The following IL1RAPL2 variants were observed in gnomAD, a reference collection of about 807,000 sequenced individuals.
IL1RAPL2 encodes the protein interleukin 1 receptor accessory protein like 2.
IL1RAPL2 carries 3 observed loss-of-function variants against 44.1 expected under a neutral mutation model. The observed-to-expected ratio is 0.07, with a 90% confidence interval of 0.03 to 0.18. IL1RAPL2 has a LOEUF of 0.18. IL1RAPL2 is among the 10% of genes least tolerant of loss of function. The pLI, the probability that IL1RAPL2 is intolerant of heterozygous loss-of-function variation, is 1.00. For missense variants in IL1RAPL2, 391 were observed against 496.4 expected (o/e 0.79, Z 2.02); for synonymous variants, 181 against 178.8 (o/e 1.01, Z -0.10).
intron 2 of IL1RAPL2, among the ~76,000 whole-genome samples, chrX:104,694,377 T>C (rs1931143663): frequency 8.9e-6 from 1 of 112,215 alleles, no homozygotes; most frequent in South Asian, 3.7e-4. Flanking sequence ...GACCATTCAC[T>C]AGTCCTGTTA....
chrX:105,704,270 T>C (rs1413155890), intron 6 of IL1RAPL2, among the ~76,000 whole-genome samples: 1 of 111,926 alleles, frequency 8.9e-6, no homozygotes, highest in Non-Finnish European at 1.9e-5. Context: ...AATATATATT[T>C]AAAACACATA....
At chrX:105,327,372 C>A (rs1326767001) in intron 5 of IL1RAPL2, among the ~76,000 whole-genome samples, 1 of 111,808 alleles carries the variant, frequency 8.9e-6, no homozygotes, top group East Asian at 2.8e-4. Context: ...GAAGAAGGAT[C>A]TGATCATTCT....
intron 6 of IL1RAPL2, among the ~76,000 whole-genome samples, chrX:105,608,717 T>A (rs1296686337): frequency 8.9e-6 from 1 of 112,290 alleles, no homozygotes; most frequent in Non-Finnish European, 1.9e-5. Context: ...CACAGATATC[T>A]GTTGTTTCCC....
intron 5 of IL1RAPL2, among the ~76,000 whole-genome samples, chrX:105,445,776 T>C (rs1286956019): frequency 1.8e-5 from 2 of 111,776 alleles, no homozygotes; most frequent in African/African-American, 3.2e-5. Flanking sequence ...TCCAGTTTTT[T>C]TGAATGTTTT....
chrX:105,121,897 C>G (rs1459903072), intron 2 of IL1RAPL2, among the ~76,000 whole-genome samples: 1 of 110,910 alleles, frequency 9.0e-6, no homozygotes, highest in African/African-American at 3.3e-5. Context: ...TTGTGTATGC[C>G]TCACTGTCAT....
At chrX:105,504,800 G>A (rs2036419896) in intron 6 of IL1RAPL2, among the ~76,000 whole-genome samples, 1 of 111,654 alleles carries the variant, frequency 9.0e-6, no homozygotes, top group Non-Finnish European at 1.9e-5. Flanking sequence ...CTGCATAAGG[G>A]TGATGCCACC....
At chrX:105,433,840 T>C in intron 5 of IL1RAPL2, among the ~76,000 whole-genome samples, 1 of 111,300 alleles carries the variant, frequency 9.0e-6, no homozygotes, top group East Asian at 2.9e-4. Context: ...GATATGGATA[T>C]GTCACCAAAA....
intron 3 of IL1RAPL2, among the ~76,000 whole-genome samples, chrX:105,221,241 C>A (rs1248310270): frequency 9.0e-6 from 1 of 111,094 alleles, no homozygotes; most frequent in Admixed American, 9.6e-5. Context: ...TAAAACCAGG[C>A]AGTTGGCATG....
At chrX:105,041,288 T>C (rs1195060901) in intron 2 of IL1RAPL2, among the ~76,000 whole-genome samples, 4 of 111,255 alleles carry the variant, frequency 3.6e-5, no homozygotes, top group Non-Finnish European at 3.8e-5. Context: ...TGAGGAGAGC[T>C]TTACTTCCAA....
chrX:104,765,159 G>A (rs894199900), intron 2 of IL1RAPL2, among the ~76,000 whole-genome samples: 1 of 111,830 alleles, frequency 8.9e-6, no homozygotes, highest in East Asian at 2.8e-4. Flanking sequence ...GAATTTAGCA[G>A]TGAAGCCATC....
At chrX:105,234,370 A>T (rs1197438776) in intron 4 of IL1RAPL2, among the ~76,000 whole-genome samples, 3 of 112,444 alleles carry the variant, frequency 2.7e-5, no homozygotes, top group Non-Finnish European at 1.9e-5. Flanking sequence ...AGTAGTACTT[A>T]TAAAGAATAA....
intron 7 of IL1RAPL2, among the ~76,000 whole-genome samples, chrX:105,733,095 C>T (rs943991842): frequency 8.1e-5 from 9 of 111,452 alleles, no homozygotes; most frequent in Admixed American, 9.5e-5. Context: ...CTGAGAAAGT[C>T]TTTATTTATC....
At chrX:104,901,176 G>T (rs1480674240) in intron 2 of IL1RAPL2, among the ~76,000 whole-genome samples, 1 of 103,326 alleles carries the variant, frequency 9.7e-6, no homozygotes, top group Non-Finnish European at 2.0e-5. Context: ...GGTGATTGAG[G>T]AGTTGGTTGC....
intron 6 of IL1RAPL2, among the ~76,000 whole-genome samples, chrX:105,509,753 A>T (rs1226242460): frequency 2.7e-5 from 3 of 111,298 alleles, no homozygotes; most frequent in Non-Finnish European, 3.8e-5. Context: ...CAAAAACCTT[A>T]GGGTAGTGTT....
chrX:105,040,194 C>G (rs957159841), intron 2 of IL1RAPL2, among the ~76,000 whole-genome samples: 1 of 111,171 alleles, frequency 9.0e-6, no homozygotes, highest in East Asian at 2.8e-4. Context: ...TATCGATTTG[C>G]GTATATTGAA....
chrX:105,679,651 G>C (rs1432941747), intron 6 of IL1RAPL2, among the ~76,000 whole-genome samples: 1 of 111,737 alleles, frequency 8.9e-6, no homozygotes, highest in Non-Finnish European at 1.9e-5. Context: ...AATGAACAAT[G>C]AACAGAACAA....
At chrX:104,879,412 T>C (rs1440929760) in intron 2 of IL1RAPL2, among the ~76,000 whole-genome samples, 3 of 70,828 alleles carry the variant, frequency 4.2e-5, no homozygotes, top group African/African-American at 2.0e-4. Context: ...CCTTGCTCTA[T>C]GAAATTGACA....
chrX:104,669,270 C>A (rs903761497), intron 2 of IL1RAPL2, among the ~76,000 whole-genome samples: 1 of 111,687 alleles, frequency 9.0e-6, no homozygotes, highest in Non-Finnish European at 1.9e-5. Context: ...CACTGAAACA[C>A]TACTGAGCAT....
intron 2 of IL1RAPL2, among the ~76,000 whole-genome samples, chrX:104,937,660 A>T (rs12394986): frequency 0.057 from 6,345 of 111,937 alleles, 459 homozygotes; most frequent in African/African-American, 0.2. Context: ...TTTGATGAAC[A>T]TCTGGCTGTT....
Sources: gnomAD v4.1 joint callset for allele counts (sites outside exome capture counted in the v4.1 genomes callset) on GRCh38, gnomAD v4.1.1 for gene constraint, MANE v1.5 for transcripts, NCBI Gene and HGNC (gene_info 2026-07-23, HGNC 2026-07-21) for gene names.